The following SARDH variants were observed in gnomAD, a reference collection of about 807,000 sequenced individuals.
SARDH encodes the protein sarcosine dehydrogenase, mitochondrial.
Under a neutral mutation model 109.1 loss-of-function variants are expected in SARDH, and 95 were observed. The observed-to-expected ratio is 0.87, with a 90% CI of 0.74 to 1.03. SARDH has a LOEUF of 1.03. SARDH is among the 50% of genes least tolerant of loss of function. The probability of loss-of-function intolerance (pLI) is 0.00; values close to 1 mark genes in which losing one functional copy is unlikely to be tolerated. For synonymous variants in SARDH, 572 were observed against 534.8 expected (o/e 1.07, Z -0.96); for missense variants, 1,267 against 1,287.8 (o/e 0.98, Z 0.25).
At chr9:133,683,052 C>G (rs913682756) in intron 17 of SARDH, among the ~76,000 whole-genome samples, 1 of 152,226 alleles carries the variant, frequency 6.6e-6, no homozygotes, top group African/African-American at 2.4e-5. Flanking sequence ...CTGTGTTTGG[C>G]CTGGCCTGTT....
chr9:133,720,625 A>T (rs1016561192), intron 6 of SARDH, among the ~76,000 whole-genome samples: 3 of 151,272 alleles, frequency 2.0e-5, no homozygotes, highest in Non-Finnish European at 4.4e-5. Flanking sequence ...GAGCAAAGGC[A>T]TGTCTTACAT....
At chr9:133,667,480 T>A (rs970068556) in intron 19 of SARDH, among the ~76,000 whole-genome samples, 2 of 152,022 alleles carry the variant, frequency 1.3e-5, no homozygotes, top group Non-Finnish European at 2.9e-5. Flanking sequence ...TCATTTTTTT[T>A]ATAGTACAAT....
chr9:133,695,789 T>A (rs985249977), intron 14 of SARDH, among the ~76,000 whole-genome samples: 48 of 152,256 alleles, frequency 3.2e-4, no homozygotes, highest in African/African-American at 1.1e-3. Context: ...ATGTCCCAAA[T>A]ATGGCTTGGG....
rs1393005089 is a variant in SARDH, at chr9:133,712,968, C to G, written c.1237+70G>C. ...GGGGGCCACGGTGCTCCTGCGCCCG[C>G]CTCCCCCAGAGCTCTGGGAATGACA... is the stretch of plus-strand genomic sequence containing the variant. On this transcript the variant is annotated intron_variant, in intron 9 of 20. Transcript: ENST00000439388. The surrounding 1 kb of genome is among the most constrained non-coding windows in gnomAD (Gnocchi z 4.1). 16 of 1,466,362 alleles carry G rather than the reference C, an allele frequency of 1.1e-5. No homozygotes were observed. Among genetic ancestry groups the G allele is most frequent in the Non-Finnish European group, 1.4e-5 (15 of 1,071,152 alleles). 90.8% of individuals were successfully genotyped at this position (1,466,362 alleles called of 1,614,324 possible).
chr9:133,708,483 G>A, intron 10 of SARDH, 55 bp from the exon 11 acceptor site: 9 of 1,563,414 alleles, frequency 5.8e-6, no homozygotes, highest in Non-Finnish European at 7.8e-6. Flanking sequence ...TCAGGGAAGG[G>A]CTAGCCTAGG....
intron 10 of SARDH, among the ~76,000 whole-genome samples, chr9:133,708,877 C>T (rs546717502): frequency 1.6e-4 from 24 of 152,140 alleles, no homozygotes; most frequent in African/African-American, 5.5e-4. Flanking sequence ...CCTGGTGATG[C>T]GTCAGAACAC....
In SARDH at chr9:133,696,251, G is replaced by C. The variant is rs1448863786; in HGVS notation, c.1779C>G (p.Leu593=). 1 of 1,614,112 alleles carries C rather than the reference G, an allele frequency of 6.2e-7. No individual in the cohort carries two copies. The highest frequency in any genetic ancestry group is 8.5e-7 in the Non-Finnish European group (1 of 1,180,030). ...GGGGTCGGCTGACATCTGCGGAGAA[G>C]AGCCAGTCGGCAGCCTTCCTTGCAT... ...GLDARKAADW[L]FSADVSRPPG... The change falls in exon 14 of 21, where the codon CTC becomes CTG. Residue 593 remains leucine (L), a synonymous_variant. Coordinates refer to ENST00000439388, the MANE Select transcript of SARDH (RefSeq NM_001134707.2).
At chr9:133,730,918 A>G (rs1832658123) in intron 4 of SARDH, among the ~76,000 whole-genome samples, 1 of 152,206 alleles carries the variant, frequency 6.6e-6, no homozygotes, top group South Asian at 2.1e-4. Context: ...CAGAGCTTGC[A>G]GTGAGCAGTG....
At chr9:133,713,523 G>A (rs922584172) in intron 8 of SARDH, among the ~76,000 whole-genome samples, 2 of 152,224 alleles carry the variant, frequency 1.3e-5, no homozygotes, top group South Asian at 4.1e-4. Context: ...CCTTGAGAGG[G>A]CAGAGACCAG....
downstream of SARDH, among the ~76,000 whole-genome samples, chr9:133,660,773 TGA>T (rs765049989): frequency 9.9e-5 from 15 of 152,108 alleles, no homozygotes; most frequent in Non-Finnish European, 1.9e-4. Flanking sequence ...CCATCAGTGT[TGA>T]GAGAAGTGGG....
At chr9:133,680,986 C>G (rs1427867112) in intron 17 of SARDH, among the ~76,000 whole-genome samples, 2 of 152,262 alleles carry the variant, frequency 1.3e-5, no homozygotes, top group African/African-American at 4.8e-5. Context: ...GGGAATGACC[C>G]CACAGAGCCG....
chr9:133,669,804 GA>G (rs1368988590), intron 19 of SARDH, among the ~76,000 whole-genome samples: 2 of 152,270 alleles, frequency 1.3e-5, no homozygotes, highest in African/African-American at 4.8e-5. Context: ...GGGCTGTGGG[GA>G]GACTGAACCA....
chr9:133,713,149 G>GA, intron 8 of SARDH, 25 bp from the exon 9 acceptor site: 1 of 1,600,692 alleles, frequency 6.2e-7, no homozygotes, highest in Non-Finnish European at 8.5e-7. Flanking sequence ...GAGAGGCCTG[G>GA]AGTCCCTTTT....
At chr9:133,722,085 C>T (rs1832344038) in intron 6 of SARDH, among the ~76,000 whole-genome samples, 1 of 152,010 alleles carries the variant, frequency 6.6e-6, no homozygotes, top group Admixed American at 6.6e-5. Flanking sequence ...CACTGCACTC[C>T]AGCCTGGGCA....
At chr9:133,664,064 G>A (rs767794875) in intron 20 of SARDH, 50 bp from the exon 21 acceptor site, 9 of 1,591,904 alleles carry the variant, frequency 5.7e-6, no homozygotes, top group Non-Finnish European at 7.7e-6. Context: ...TAGGTACAGG[G>A]CTCACGTCTG....
At chr9:133,663,072 G>A (rs1256591988), downstream of SARDH, among the ~76,000 whole-genome samples, 2 of 152,182 alleles carry the variant, frequency 1.3e-5, no homozygotes, top group African/African-American at 4.8e-5. Flanking sequence ...GGCAGGAACC[G>A]CGTCCAAATC....
At chr9:133,676,442 T>A (rs1198505868) in intron 17 of SARDH, among the ~76,000 whole-genome samples, 1 of 152,200 alleles carries the variant, frequency 6.6e-6, no homozygotes, top group Non-Finnish European at 1.5e-5. Flanking sequence ...CCCAACAATG[T>A]GAACATACTT....
At chr9:133,727,806 G>C (rs1832543684) in intron 6 of SARDH, among the ~76,000 whole-genome samples, 1 of 152,140 alleles carries the variant, frequency 6.6e-6, no homozygotes, top group East Asian at 1.9e-4. Context: ...TACACAGGAG[G>C]GGGCAGCTGC....
chr9:133,659,943 C>A (rs963978660), downstream of SARDH, among the ~76,000 whole-genome samples: 1 of 152,144 alleles, frequency 6.6e-6, no homozygotes, highest in African/African-American at 2.4e-5. Context: ...TTGTAGCCTG[C>A]CGATCTCGGG....
Sources: allele counts gnomAD v4.1 joint callset (sites outside exome capture counted in the v4.1 genomes callset), GRCh38; gene constraint gnomAD v4.1.1; non-coding constraint Gnocchi (gnomAD v3.1); transcripts MANE v1.5; gene names NCBI Gene and HGNC (gene_info 2026-07-23, HGNC 2026-07-21).